The following CD34 variants were observed in gnomAD, a reference collection of about 807,000 sequenced individuals.
The protein encoded by CD34 is CD34 molecule.
A neutral mutation model predicts 40.1 loss-of-function variants in CD34; 34 were observed. The observed-to-expected ratio is 0.85, with a 90% confidence interval of 0.65 to 1.13. The LOEUF is 1.13. Ranked by LOEUF, CD34 falls within the 50% of genes most tolerant of loss-of-function variation. The pLI, the probability that CD34 is intolerant of heterozygous loss-of-function variation, is 0.00. For synonymous variants in CD34, 209 were observed against 190.0 expected (o/e 1.10, Z -0.82); for missense variants, 426 against 466.9 (o/e 0.91, Z 0.81).
chr1:207,899,969 A>G lies in CD34; in HGVS notation c.114T>C (p.Thr38=). ...SGFMSLDNNG[T]ATPELPTQGT... ...CCTGGGTAGGTAACTCTGGGGTAGC[A>G]GTACCGTTGTTGTCAAGACTCATGA... The change falls in exon 2 of 8, where the codon ACT becomes ACC. Residue 38 remains threonine (T), a synonymous_variant. Coordinates refer to ENST00000310833, the MANE Select transcript of CD34 (RefSeq NM_001025109.2). The G allele has an allele frequency of 6.2e-7, 1 of 1,613,138 alleles. No homozygotes were observed. The highest frequency in any genetic ancestry group is 8.5e-7 in the Non-Finnish European group (1 of 1,179,436).
intron 1 of CD34, among the ~76,000 whole-genome samples, chr1:207,906,103 T>C (rs1053980766): frequency 2.6e-5 from 4 of 152,156 alleles, no homozygotes; most frequent in African/African-American, 9.7e-5. Flanking sequence ...TTAGTGTCAT[T>C]GTCATTTAAA....
intron 4 of CD34, among the ~76,000 whole-genome samples, chr1:207,893,177 C>G (rs1024351898): frequency 1.3e-5 from 2 of 152,164 alleles, no homozygotes; most frequent in Admixed American, 6.5e-5. Flanking sequence ...TACATCAGCT[C>G]ACACATGTTT....
chr1:207,904,133 A>G (rs1662332379), intron 1 of CD34, among the ~76,000 whole-genome samples: 1 of 152,228 alleles, frequency 6.6e-6, no homozygotes, highest in African/African-American at 2.4e-5. Flanking sequence ...TGCTACCAAA[A>G]TAACTAAATC....
Position 207,887,668 on chromosome 1 carries a change from G to C in CD34, c.*70C>G. ...AAGAGATGTCACCTCCAGCATGGGG[G>C]TAGCACGTGGTCAGATGCAGAGAGG... On this transcript the variant is annotated 3_prime_UTR_variant, in exon 8 of 8. Transcript: ENST00000310833. 6.3e-7 allele frequency: 1 copy of C among 1,593,152 alleles called. No individual in the cohort carries two copies. The highest frequency in any genetic ancestry group is 8.6e-7 in the Non-Finnish European group (1 of 1,168,616).
intron 3 of CD34, 82 bp from the exon 4 acceptor site, chr1:207,897,655 A>G: frequency 8.5e-7 from 1 of 1,181,912 alleles, no homozygotes; most frequent in Non-Finnish European, 1.2e-6. Context: ...AACTTTTTCC[A>G]GTTTGCTTTC....
chr1:207,900,063 T>C, intron 1 of CD34, 60 bp from the exon 2 acceptor site: 4 of 1,303,088 alleles, frequency 3.1e-6, no homozygotes, highest in Non-Finnish European at 4.3e-6. Context: ...TGATATCACC[T>C]GATGCAATTT....
chr1:207,909,745 T>C (rs1194046760), intron 1 of CD34, among the ~76,000 whole-genome samples: 2 of 152,128 alleles, frequency 1.3e-5, no homozygotes, highest in Admixed American at 6.5e-5. Flanking sequence ...TAGCACCCAC[T>C]CTAGAATTTT....
intron 6 of CD34, 146 bp downstream of exon 6, chr1:207,889,015 C>T (rs1661971058): frequency 2.3e-6 from 2 of 872,968 alleles, no homozygotes; most frequent in South Asian, 1.5e-5. Context: ...AGTCATACCC[C>T]ACCATTTTTG....
Position 207,899,983 on chromosome 1 carries a change from C to A in CD34, c.100G>T (p.Asp34Tyr). The change falls in exon 2 of 8, where the codon GAC becomes TAC. Residue 34 changes from aspartate (D) to tyrosine (Y), a missense_variant. Transcript: ENST00000310833. Reference sequence around the variant, plus strand: ...TCTGGGGTAGCAGTACCGTTGTTGTCAAGACTCATGAACCCAGAAGCTATA... The same window carrying A: ...TCTGGGGTAGCAGTACCGTTGTTGTAAAGACTCATGAACCCAGAAGCTATA... ...SLLPSGFMSL[D>Y]NNGTATPELP... 1 of 1,611,352 alleles carries A rather than the reference C, an allele frequency of 6.2e-7. No individual in the cohort carries two copies. Among genetic ancestry groups the A allele is most frequent in the Non-Finnish European group, 8.5e-7 (1 of 1,178,562 alleles).
chr1:207,900,634 T>G (rs1662255166), intron 1 of CD34, among the ~76,000 whole-genome samples: 1 of 152,220 alleles, frequency 6.6e-6, no homozygotes, highest in African/African-American at 2.4e-5. Flanking sequence ...CTTTTGCTCA[T>G]GGCCTTCAAA....
chr1:207,890,626 C>G (rs1453639296), intron 4 of CD34: 2 of 152,236 alleles, frequency 1.3e-5, no homozygotes, highest in African/African-American at 2.4e-5. Context: ...CTCCTTTGCT[C>G]CTACACAAAG....
In CD34 at chr1:207,887,861, G is replaced by A. The variant is rs148490349; in HGVS notation, c.1035C>T (p.Thr345=). Residue 345 remains threonine, a synonymous_variant, in exon 8 of 8, where the codon ACC becomes ACT. Transcript: ENST00000310833. ...TGGCCTTTCCCTGAGCCTCAGGGGA[G>A]GTCCCAGGTCCTGAGCTATAGCCCT... ...GGQGYSSGPG[T]SPEAQGKASV... is the part of the protein sequence containing the mutation. 3.5e-5 allele frequency: 56 copies of A among 1,614,068 alleles called. No homozygotes were observed. Among genetic ancestry groups the A allele is most frequent in the Non-Finnish European group, 4.6e-5 (54 of 1,180,032 alleles).
chr1:207,909,596 A>T (rs1037122515), intron 1 of CD34, among the ~76,000 whole-genome samples: 1 of 151,870 alleles, frequency 6.6e-6, no homozygotes, highest in African/African-American at 2.4e-5. Flanking sequence ...TTTAGTAGAG[A>T]TGGGGTTTCA....
At chr1:207,900,915 A>G (rs1487807605) in intron 1 of CD34, among the ~76,000 whole-genome samples, 1 of 152,024 alleles carries the variant, frequency 6.6e-6, no homozygotes, top group Non-Finnish European at 1.5e-5. Context: ...GTATTATAGT[A>G]TAATGTTTTG....
At chr1:207,910,657 T>C (rs1268349479) in intron 1 of CD34, among the ~76,000 whole-genome samples, 2 of 151,964 alleles carry the variant, frequency 1.3e-5, no homozygotes, top group African/African-American at 4.8e-5. Flanking sequence ...CTCCCCAGTC[T>C]CCCGGTTCTG....
intron 5 of CD34, 34 bp from the exon 6 acceptor site, chr1:207,889,247 G>C (rs1374484962): frequency 1.2e-6 from 2 of 1,613,842 alleles, no homozygotes; most frequent in Non-Finnish European, 8.5e-7. Context: ...TAAATCTAAA[G>C]AGAAACCAGC....
At position 207,899,870 on chromosome 1, in the gene CD34, G is replaced by T. The variant is rs756508294; in HGVS notation, c.213C>A (p.Ser71Arg). The T allele has an allele frequency of 1.3e-5, 21 of 1,613,784 alleles. No homozygotes were observed. The East Asian group carries it at 4.7e-4, about 36-fold the overall frequency. The part of the protein sequence containing the change: ...TTTPSTLGST[S>R]LHPVSQHGNE... ...TGCCATGTTGAGACACAGGGTGCAG[G>T]CTGGTACTTCCAAGGGTACTAGGTG... The change falls in exon 2 of 8, where the codon AGC (serine) becomes AGA (arginine). Residue 71 changes from serine (S) to arginine (R), a missense_variant. Physicochemically the swap from Ser to Arg is moderately radical, Grantham distance 110. Coordinates refer to ENST00000310833, the MANE Select transcript of CD34 (RefSeq NM_001025109.2).
rs1482102617 is a variant in CD34, at chr1:207,882,197, T to C, written c.*5541A>G. ...AGAAGGCAGAATTGGGAGGGACTTT[T>C]GGACTCAAGGAATGACATGGCACCA... On this transcript the variant is annotated 3_prime_UTR_variant, in exon 8 of 8. Coordinates refer to ENST00000310833, the MANE Select transcript of CD34 (RefSeq NM_001025109.2). 1 of 152,240 alleles carries C rather than the reference T, an allele frequency of 6.6e-6. No individual in the cohort carries two copies. Among genetic ancestry groups the C allele is most frequent in the African/African-American group, 2.4e-5 (1 of 41,452 alleles). 9.4% of individuals were successfully genotyped at this position (152,240 alleles called of 1,614,324 possible).
rs1231775896 is a variant in CD34, at chr1:207,882,904, C to G, written c.*4834G>C. The stretch of plus-strand genomic sequence containing the variant: ...AGCTTCCTATACCATAGCACTTACA[C>G]TCAATGCATATTGTTCTGTCATCTG... On this transcript the variant is annotated 3_prime_UTR_variant, in exon 8 of 8. Transcript: ENST00000310833. 2 of 152,220 alleles carry G rather than the reference C, an allele frequency of 1.3e-5. No homozygotes were observed. Among genetic ancestry groups the G allele is most frequent in the Non-Finnish European group, 2.9e-5 (2 of 68,068 alleles). The allele number at this position is 152,220 out of a possible 1,614,324, so 9.4% of individuals were successfully genotyped here.
Sources: allele counts gnomAD v4.1 joint callset (sites outside exome capture counted in the v4.1 genomes callset), GRCh38; gene constraint gnomAD v4.1.1; transcripts MANE v1.5; gene names NCBI Gene and HGNC (gene_info 2026-07-23, HGNC 2026-07-21).